CYP3A5: variants seen among roughly 807,000 people sequenced by gnomAD.
CYP3A5 encodes cytochrome P450 3A5.
In CYP3A5, 51 loss-of-function variants were observed where a neutral mutation model predicts 55.9. That is an observed-to-expected ratio of 0.91 (90% CI 0.73 to 1.15). The LOEUF is 1.15. Among genes scored for constraint, CYP3A5 ranks in the 50% most tolerant of loss-of-function variants. The pLI is 0.00. For synonymous variants in CYP3A5, 196 were observed against 213.9 expected (o/e 0.92, Z 0.73); for missense variants, 533 against 596.6 (o/e 0.89, Z 1.11).
At chr7:99,648,479 A>T in intron 12 of CYP3A5, 79 bp from the exon 13 acceptor site, 22 of 1,011,996 alleles carry the variant, frequency 2.2e-5, no homozygotes, top group Non-Finnish European at 3.0e-5. Context: ...TAGAAAAAAT[A>T]TGACAAAAAT....
intron 11 of CYP3A5, among the ~76,000 whole-genome samples, chr7:99,650,514 G>T (rs945490478): frequency 6.6e-6 from 1 of 152,072 alleles, no homozygotes; most frequent in Non-Finnish European, 1.5e-5. Flanking sequence ...TTATATTCAG[G>T]GTGGTGATGT....
At position 99,674,667 on chromosome 7, in the gene CYP3A5, C is replaced by T. The variant is rs41301652; in HGVS notation, c.166-82G>A. The T allele has an allele frequency of 4.2e-3, 5,024 of 1,196,904 alleles. 20 individuals carry two copies. The highest frequency in any genetic ancestry group is 0.016 in the African/African-American group (1,068 of 65,054). 74.1% of individuals were successfully genotyped at this position (1,196,904 alleles called of 1,614,324 possible). A position where few individuals can be genotyped will look rare whatever the true frequency, so the allele number is the denominator to read the frequency against. Reference sequence around the variant, plus strand: ...CTCTAATTGGGGCTGAAAACAGTTGCGTCCAATGAAATCAGGCCTGCTATC... The same window carrying T: ...CTCTAATTGGGGCTGAAAACAGTTGTGTCCAATGAAATCAGGCCTGCTATC... On this transcript the variant is annotated intron_variant, in intron 2 of 12. Transcript: ENST00000222982.
intron 11 of CYP3A5, 87 bp from the exon 12 acceptor site, chr7:99,650,319 C>T: frequency 5.0e-6 from 6 of 1,196,610 alleles, no homozygotes; most frequent in Non-Finnish European, 7.3e-6. Flanking sequence ...AGAACAACCC[C>T]CCTCCACCTC....
chr7:99,669,389 G>A lies in CYP3A5; in HGVS notation c.319-2324C>T, dbSNP rs531524661. Among the ~76,000 whole-genome samples the A allele has an allele frequency of 4.6e-5, 7 of 152,232 alleles. 1 individual carries two copies. The highest frequency in any genetic ancestry group is 1.4e-4 in the African/African-American group (6 of 41,538). Reference sequence around the variant, plus strand: ...AAGATTTTTTAAAAAGTTACAACTCGGACTCAATCGTAAGGTAAAACCTAG... The same window carrying A: ...AAGATTTTTTAAAAAGTTACAACTCAGACTCAATCGTAAGGTAAAACCTAG... On this transcript the variant is annotated intron_variant, in intron 4 of 12. Transcript: ENST00000222982.
chr7:99,654,922 G>C (rs1019415071), intron 10 of CYP3A5, among the ~76,000 whole-genome samples: 3 of 152,134 alleles, frequency 2.0e-5, no homozygotes, highest in African/African-American at 7.2e-5. Context: ...CTTGTTGATG[G>C]GGTTGTGTTT....
chr7:99,672,042 T>TG (rs1811701977), intron 4 of CYP3A5, among the ~76,000 whole-genome samples: 1 of 151,728 alleles, frequency 6.6e-6, no homozygotes. Flanking sequence ...TTTGCCGGTT[T>TG]TTGTTGTTGT....
At position 99,669,165 on chromosome 7, in the gene CYP3A5, A is replaced by G. The variant is rs3800959; in HGVS notation, c.319-2100T>C. Among the ~76,000 whole-genome samples the G allele has an allele frequency of 8.5e-3, 1,297 of 152,350 alleles. 97 individuals carry two copies. In the East Asian group the frequency reaches 0.19, roughly 22 times the overall value. On this transcript the variant is annotated intron_variant, in intron 4 of 12. Transcript: ENST00000222982. ...ATTATGGATGAAGGAAGATTGTTCA[A>G]TGAAAAGTGGACAAATGACTTTTTC...
intron 3 of CYP3A5, chr7:99,672,930 A>G: frequency 7.8e-7 from 1 of 1,275,008 alleles, no homozygotes; most frequent in Non-Finnish European, 9.9e-7. Flanking sequence ...AAGACAAAAG[A>G]GCTCTTTAAA....
chr7:99,665,183 G>A lies in CYP3A5; in HGVS notation c.653C>T (p.Pro218Leu). 6 of 1,612,338 alleles carry A rather than the reference G, an allele frequency of 3.7e-6. No homozygotes were observed. The highest frequency in any genetic ancestry group is 5.1e-6 in the Non-Finnish European group (6 of 1,178,664). ...CCACATACTTATTGAGAGAAATAAT[G>A]GATCTAAGAAACCAAATTTTAGGAA... The part of the protein sequence containing the change: ...KKFLKFGFLD[P>L]LFLSIILFPF... Residue 218 changes from proline to leucine, a missense_variant, in exon 7 of 13, where the codon CCA becomes CTA. Coordinates refer to ENST00000222982, the MANE Select transcript of CYP3A5 (RefSeq NM_000777.5).
In CYP3A5 at chr7:99,653,932, G is replaced by T. The variant is rs1481405161; in HGVS notation, c.1027-1153C>A. Among the ~76,000 whole-genome samples, 1 of 152,164 alleles carries T rather than the reference G, an allele frequency of 6.6e-6. No homozygotes were observed. The highest frequency in any genetic ancestry group is 1.5e-5 in the Non-Finnish European group (1 of 68,036). On this transcript the variant is annotated intron_variant, in intron 10 of 12. Coordinates refer to ENST00000222982, the MANE Select transcript of CYP3A5 (RefSeq NM_000777.5). This position sits in a 1 kb window ranked among gnomAD's most constrained non-coding sequence, Gnocchi z 4.2. ...CCTGACTGGAACATGAGACAGGTGTGGGGAGAGCTGAGTCAGCCTCCATCG... is the reference window on the plus strand; with the variant it reads ...CCTGACTGGAACATGAGACAGGTGTTGGGAGAGCTGAGTCAGCCTCCATCG...
At chr7:99,676,272 G>A in intron 1 of CYP3A5, 64 bp from the exon 2 acceptor site, 3 of 1,607,056 alleles carry the variant, frequency 1.9e-6, no homozygotes, top group Non-Finnish European at 2.6e-6. Context: ...GGGCTGGTGA[G>A]TTACTCAGGA....
intron 10 of CYP3A5, among the ~76,000 whole-genome samples, chr7:99,655,075 T>C (rs982363559): frequency 8.5e-5 from 13 of 152,236 alleles, no homozygotes; most frequent in African/African-American, 2.9e-4. Flanking sequence ...AGAAGCTCTT[T>C]AGTTTCATTA....
chr7:99,667,123 A>C (rs1811104597), intron 4 of CYP3A5, 58 bp from the exon 5 acceptor site: 1 of 1,494,752 alleles, frequency 6.7e-7, no homozygotes, highest in Non-Finnish European at 9.2e-7. Context: ...TCATGGTTGC[A>C]CAAAATATAT....
At chr7:99,654,393 T>C (rs1472055035) in intron 10 of CYP3A5, among the ~76,000 whole-genome samples, 1 of 152,150 alleles carries the variant, frequency 6.6e-6, no homozygotes, top group African/African-American at 2.4e-5. Context: ...CATCCATGTC[T>C]CTACAAAGGA....
intron 11 of CYP3A5, 44 bp downstream of exon 11, chr7:99,652,509 C>A (rs767076588): frequency 7.1e-7 from 1 of 1,404,952 alleles, no homozygotes; most frequent in Middle Eastern, 1.8e-4. Context: ...TATGCTTGAA[C>A]CAGCCTGGGT....
Position 99,668,313 on chromosome 7 carries a change from G to A in CYP3A5, c.319-1248C>T, listed in dbSNP as rs116021329. 4.3e-3 allele frequency among the ~76,000 whole-genome samples: 655 copies of A among 152,216 alleles called. 2 individuals carry two copies. The highest frequency in any genetic ancestry group is 0.015 in the African/African-American group (625 of 41,528). ...AAATGGAGAGGCATACTATATTCAC[G>A]GGATGAAAGGCTGAACATAGTAAAG... On this transcript the variant is annotated intron_variant, in intron 4 of 12. Coordinates refer to ENST00000222982, the MANE Select transcript of CYP3A5 (RefSeq NM_000777.5).
At chr7:99,649,377 A>G (rs1808938789) in intron 12 of CYP3A5, among the ~76,000 whole-genome samples, 1 of 152,238 alleles carries the variant, frequency 6.6e-6, no homozygotes, top group African/African-American at 2.4e-5. Context: ...CTATTGCTTA[A>G]TATGAATCAA....
chr7:99,676,586 A>G (rs745785773), intron 1 of CYP3A5: 3 of 1,349,524 alleles, frequency 2.2e-6, no homozygotes, highest in Non-Finnish European at 2.9e-6. Context: ...CCTAGGTAGA[A>G]AGAGTAAGAT....
At chr7:99,657,170 A>T (rs1004988422) in intron 10 of CYP3A5, among the ~76,000 whole-genome samples, 1 of 151,888 alleles carries the variant, frequency 6.6e-6, no homozygotes, top group Non-Finnish European at 1.5e-5. Context: ...TTTCATTGTG[A>T]TGTTAGGGTG....
Sources: gnomAD v4.1 joint callset for allele counts (sites outside exome capture counted in the v4.1 genomes callset) on GRCh38, gnomAD v4.1.1 for gene constraint, Gnocchi (gnomAD v3.1) non-coding constraint, MANE v1.5 for transcripts, NCBI Gene and HGNC (gene_info 2026-07-23, HGNC 2026-07-21) for gene names.